The following OSBP2 variants were observed in gnomAD, a reference collection of about 807,000 sequenced individuals.
OSBP2 encodes the protein oxysterol-binding protein 2.
A neutral mutation model predicts 96.0 loss-of-function variants in OSBP2; 66 were observed. The ratio of observed to expected loss-of-function variants is 0.69; its 90% CI spans 0.56 to 0.84. The LOEUF (loss-of-function observed/expected upper bound fraction) is 0.84. Among genes scored for constraint, OSBP2 ranks in the 40% least tolerant of loss-of-function variants. OSBP2 has a pLI of 0.00. For missense variants in OSBP2, 1,038 were observed against 1,222.7 expected (o/e 0.85, Z 2.25); for synonymous variants, 525 against 520.9 (o/e 1.01, Z -0.11).
intron 1 of OSBP2, among the ~76,000 whole-genome samples, chr22:30,723,819 A>G (rs774067071): frequency 1.1e-4 from 17 of 152,140 alleles, no homozygotes; most frequent in Non-Finnish European, 1.9e-4. Flanking sequence ...CGACACAGGC[A>G]TATCGTCCCC....
intron 2 of OSBP2, among the ~76,000 whole-genome samples, chr22:30,754,229 A>G (rs1241902860): frequency 1.3e-4 from 19 of 151,764 alleles, no homozygotes; most frequent in Non-Finnish European, 7.4e-5. Flanking sequence ...TTCCCTGCAC[A>G]CTCCCTCTGT....
At chr22:30,875,432 G>C (rs1288648470) in intron 3 of OSBP2, among the ~76,000 whole-genome samples, 1 of 151,906 alleles carries the variant, frequency 6.6e-6, no homozygotes, top group Non-Finnish European at 1.5e-5. Context: ...GAGTGCAATG[G>C]CATGATCTTG....
chr22:30,754,780 T>C (rs2090121108), intron 2 of OSBP2, among the ~76,000 whole-genome samples: 2 of 152,190 alleles, frequency 1.3e-5, no homozygotes, highest in South Asian at 4.1e-4. Context: ...CCTGCTGCTG[T>C]GCTGGGGCAG....
At chr22:30,709,728 G>A (rs1182679751) in intron 1 of OSBP2, among the ~76,000 whole-genome samples, 1 of 151,758 alleles carries the variant, frequency 6.6e-6, no homozygotes, top group Non-Finnish European at 1.5e-5. Context: ...TAAGACATGG[G>A]GTCTTGCTGT....
intron 2 of OSBP2, among the ~76,000 whole-genome samples, chr22:30,818,003 C>T (rs1413824490): frequency 6.6e-6 from 1 of 152,114 alleles, no homozygotes; most frequent in East Asian, 1.9e-4. Flanking sequence ...TCAAGCAATC[C>T]TCCCACCTCA....
At chr22:30,811,942 G>A (rs965369310) in intron 2 of OSBP2, among the ~76,000 whole-genome samples, 1 of 151,502 alleles carries the variant, frequency 6.6e-6, no homozygotes, top group Non-Finnish European at 1.5e-5. Context: ...CTGCAGTCTT[G>A]ACCTCCTGGC....
intron 2 of OSBP2, among the ~76,000 whole-genome samples, chr22:30,758,329 A>G (rs1202291867): frequency 6.6e-6 from 1 of 152,144 alleles, no homozygotes; most frequent in Admixed American, 6.5e-5. Context: ...TGATCCCGGG[A>G]GGAAGAGGTT....
intron 1 of OSBP2, among the ~76,000 whole-genome samples, chr22:30,715,496 C>T (rs2089435937): frequency 6.6e-6 from 1 of 151,666 alleles, no homozygotes; most frequent in Non-Finnish European, 1.5e-5. Context: ...CCCACCTCAG[C>T]CTCCTGAGTA....
At position 30,906,435 on chromosome 22, in the gene OSBP2, C is replaced by A; in HGVS notation, c.*96C>A. ...GTACTGAATGGTCTTTCTCCCAGCC[C>A]ATTCCCAGCCCTTCCTATTTCCTTT... is the stretch of plus-strand genomic sequence containing the variant. On this transcript the variant is annotated 3_prime_UTR_variant, in exon 14 of 14. Coordinates refer to ENST00000332585, the MANE Select transcript of OSBP2 (RefSeq NM_030758.4). 7.4e-7 allele frequency: 1 copy of A among 1,359,466 alleles called. No individual in the cohort carries two copies. The highest frequency in any genetic ancestry group is 1.7e-5 in the South Asian group (1 of 60,092). The allele number at this position is 1,359,466 out of a possible 1,614,324, so 84.2% of individuals were successfully genotyped here. A position where few individuals can be genotyped will look rare whatever the true frequency, so the allele number is the denominator to read the frequency against.
intron 2 of OSBP2, among the ~76,000 whole-genome samples, chr22:30,824,830 G>A (rs62235942): frequency 0.11 from 16,278 of 152,202 alleles, 976 homozygotes; most frequent in East Asian, 0.23. Flanking sequence ...AGGTCCAGGC[G>A]GTGCCCATTT....
At chr22:30,905,020 C>T (rs1569177652) in intron 12 of OSBP2, among the ~76,000 whole-genome samples, 1 of 152,016 alleles carries the variant, frequency 6.6e-6, no homozygotes, top group South Asian at 2.1e-4. Flanking sequence ...CCCTGAAATC[C>T]CAGCTACTCA....
At chr22:30,792,090 T>C (rs1050448794) in intron 2 of OSBP2, among the ~76,000 whole-genome samples, 4 of 152,118 alleles carry the variant, frequency 2.6e-5, no homozygotes, top group Non-Finnish European at 5.9e-5. Flanking sequence ...GATGGGTGGA[T>C]CACTGGAGGT....
chr22:30,770,729 C>G (rs550835716), intron 2 of OSBP2: 1 of 152,836 alleles, frequency 6.5e-6, no homozygotes, highest in South Asian at 2.1e-4. Context: ...TGGTTCTCTC[C>G]CGGTGTCCCC....
At chr22:30,849,043 G>C (rs2038925935) in intron 2 of OSBP2, among the ~76,000 whole-genome samples, 1 of 152,098 alleles carries the variant, frequency 6.6e-6, no homozygotes, top group South Asian at 2.1e-4. Context: ...AAGGCAGGGG[G>C]ATCACCTGAG....
chr22:30,836,557 A>G (rs1454912195), intron 2 of OSBP2, among the ~76,000 whole-genome samples: 3 of 152,200 alleles, frequency 2.0e-5, no homozygotes, highest in African/African-American at 7.2e-5. Context: ...CCTGAATATA[A>G]TGCTTAACCT....
intron 3 of OSBP2, among the ~76,000 whole-genome samples, chr22:30,874,586 G>A (rs1218991629): frequency 1.3e-5 from 2 of 152,172 alleles, no homozygotes; most frequent in Admixed American, 6.5e-5. Context: ...AGTGGTGCAG[G>A]CCCATTCCAC....
intron 3 of OSBP2, among the ~76,000 whole-genome samples, chr22:30,874,588 C>T (rs1379973925): frequency 2.6e-5 from 4 of 152,272 alleles, no homozygotes; most frequent in South Asian, 4.1e-4. Context: ...TGGTGCAGGC[C>T]CATTCCACGC....
intron 2 of OSBP2, among the ~76,000 whole-genome samples, chr22:30,860,789 C>G (rs1352136485): frequency 6.6e-6 from 1 of 152,212 alleles, no homozygotes; most frequent in East Asian, 1.9e-4. Context: ...GTTCTGCCGG[C>G]TGGAGGAAGC....
At chr22:30,792,443 T>C (rs1379352907) in intron 2 of OSBP2, among the ~76,000 whole-genome samples, 1 of 152,232 alleles carries the variant, frequency 6.6e-6, no homozygotes, top group East Asian at 1.9e-4. Context: ...TAAACCTTCC[T>C]GTAAATGCTT....
Sources: allele counts gnomAD v4.1 joint callset (sites outside exome capture counted in the v4.1 genomes callset), GRCh38; gene constraint gnomAD v4.1.1; transcripts MANE v1.5; gene names NCBI Gene and HGNC (gene_info 2026-07-23, HGNC 2026-07-21).